Variants in MYO5B observed in about 807,000 individuals in gnomAD.
MYO5B encodes myosin VB.
MYO5B carries 143 observed loss-of-function variants against 229.3 expected under a neutral mutation model. That is an observed-to-expected ratio of 0.62 (90% CI 0.54 to 0.72). The LOEUF (loss-of-function observed/expected upper bound fraction) is 0.72. MYO5B is among the 30% of genes least tolerant of loss of function. The probability of loss-of-function intolerance (pLI) is 0.00; values close to 1 mark genes in which losing one functional copy is unlikely to be tolerated. For synonymous variants in MYO5B, 918 were observed against 885.2 expected, an observed-to-expected ratio of 1.04 and a Z score of -0.66; for missense variants, 2,321 against 2,331.0, an observed-to-expected ratio of 1.00 and a Z score of 0.09.
rs148916751 is a variant in MYO5B, at chr18:49,954,817, T to C, written c.1546-382A>G. On this transcript the variant is annotated intron_variant, in intron 12 of 39. Coordinates refer to ENST00000285039, the MANE Select transcript of MYO5B (RefSeq NM_001080467.3). Reference sequence around the variant, plus strand: ...ATCAGCATCACAAAACACATCCACCTGCAGTGCCAAGCTCACCCACTCACC... The same window carrying C: ...ATCAGCATCACAAAACACATCCACCCGCAGTGCCAAGCTCACCCACTCACC... Among the ~76,000 whole-genome samples, 1,224 of 152,310 alleles carry C rather than the reference T, an allele frequency of 8.0e-3. 8 individuals are homozygous for C. The highest frequency in any genetic ancestry group is 0.013 in the Admixed American group (197 of 15,300).
At chr18:50,142,243 C>A (rs773981756) in intron 1 of MYO5B, among the ~76,000 whole-genome samples, 1 of 152,152 alleles carries the variant, frequency 6.6e-6, no homozygotes, top group Non-Finnish European at 1.5e-5. Flanking sequence ...ACGGAGCAAC[C>A]CTCCCAGAAC....
chr18:49,837,676 T>C lies in MYO5B; in HGVS notation c.4979A>G (p.Gln1660Arg). The C allele has an allele frequency of 6.2e-7, 1 of 1,614,128 alleles. No individual in the cohort carries two copies. Residue 1660 changes from glutamine to arginine, a missense_variant, in exon 37 of 40, where the codon CAG becomes CGG. Gln to Arg is a conservative substitution (Grantham distance 43, BLOSUM62 1). This residue lies in a region of MYO5B where 208 missense variants were observed against 286.3 expected (regional missense o/e 0.73). Transcript: ENST00000285039. ...CATGACTGTATGAAAGGCATTCATC[T>C]GGCGGATGATAGCTTCCAGGCAGTA... ...NSYCLEAIIR[Q>R]MNAFHTVMCD...
At chr18:49,844,579 C>G (rs574403245) in intron 33 of MYO5B, among the ~76,000 whole-genome samples, 1 of 152,248 alleles carries the variant, frequency 6.6e-6, no homozygotes, top group African/African-American at 2.4e-5. Context: ...CCTGCTCCAA[C>G]GCATCCTTCT....
intron 3 of MYO5B, among the ~76,000 whole-genome samples, chr18:50,038,878 T>C (rs1731264151): frequency 6.6e-6 from 1 of 152,206 alleles, no homozygotes; most frequent in Non-Finnish European, 1.5e-5. Context: ...GCTCTGATAA[T>C]TGACAGTTTG....
intron 1 of MYO5B, among the ~76,000 whole-genome samples, chr18:50,092,271 C>G (rs1385815438): frequency 1.3e-5 from 2 of 152,108 alleles, no homozygotes; most frequent in African/African-American, 4.8e-5. Flanking sequence ...GATGCAGCCC[C>G]AAGCTGAAAT....
At chr18:50,145,497 CAAAAAAAAAAAAAAAAAAAAAAAAA>C (rs369507800) in intron 1 of MYO5B, among the ~76,000 whole-genome samples, 171 of 70,016 alleles carry the variant, frequency 2.4e-3, no homozygotes, top group South Asian at 6.0e-3. Context: ...GACTCCATCT[CAAAAAAAAAAAAAAAAAAAAAAAAA>C]AAAAAAAAAA....
chr18:49,872,174 C>T lies in MYO5B; in HGVS notation c.3596G>A (p.Ser1199Asn), dbSNP rs746689417. The T allele has an allele frequency of 6.2e-7, 1 of 1,614,102 alleles. No homozygotes were observed. The highest frequency in any genetic ancestry group is 1.1e-5 in the South Asian group (1 of 91,074). Residue 1199 changes from serine (S) to asparagine (N), a missense_variant, in exon 27 of 40, where the codon AGT becomes AAT. Ser to Asn is a conservative substitution (Grantham distance 46). Around this residue, in one of 2 missense-constraint regions of MYO5B, gnomAD observed 2,113 missense variants for 2,044.7 expected, o/e 1.03. Coordinates refer to ENST00000285039, the MANE Select transcript of MYO5B (RefSeq NM_001080467.3). Reference protein sequence around the residue: ...LDPNADLAYNSLKRQELESEN... With the variant: ...LDPNADLAYNNLKRQELESEN... ...GTCCCCCAAGAATCTTACCTTCAGACTATTGTAGGCCAGATCTGCATTCGG... is the reference window on the plus strand; with the variant it reads ...GTCCCCCAAGAATCTTACCTTCAGATTATTGTAGGCCAGATCTGCATTCGG...
intron 5 of MYO5B, among the ~76,000 whole-genome samples, chr18:49,993,620 C>T (rs1400464177): frequency 6.6e-6 from 1 of 152,134 alleles, no homozygotes; most frequent in Admixed American, 6.5e-5. Flanking sequence ...CCATTCACCA[C>T]CCTCCGAGTA....
At chr18:49,973,918 C>T (rs544278759) in intron 10 of MYO5B, among the ~76,000 whole-genome samples, 3 of 152,134 alleles carry the variant, frequency 2.0e-5, no homozygotes, top group Admixed American at 2.0e-4. Context: ...AAATAGCCAC[C>T]TTGACTGTTA....
chr18:49,953,457 AC>A, intron 13 of MYO5B, 114 bp from the exon 14 acceptor site: 1 of 866,642 alleles, frequency 1.2e-6, no homozygotes, highest in Non-Finnish European at 1.9e-6. Flanking sequence ...TAGATAGGAA[AC>A]CCACAGATGT....
intron 1 of MYO5B, among the ~76,000 whole-genome samples, chr18:50,056,879 A>G (rs555673421): frequency 2.6e-5 from 4 of 151,968 alleles, no homozygotes; most frequent in South Asian, 4.2e-4. Flanking sequence ...AACATCAACC[A>G]CTTTGCATCC....
At chr18:50,102,617 C>CACAGCCCAGAAGAG in intron 1 of MYO5B, among the ~76,000 whole-genome samples, 1 of 152,226 alleles carries the variant, frequency 6.6e-6, no homozygotes, top group East Asian at 1.9e-4. Flanking sequence ...CCCAGTCCTG[C>CACAGCCCAGAAGAG]ACAGCCCAGA....
chr18:49,997,848 G>A (rs552450335), intron 5 of MYO5B, among the ~76,000 whole-genome samples: 143 of 152,250 alleles, frequency 9.4e-4, no homozygotes, highest in Middle Eastern at 6.8e-3. Flanking sequence ...GGCAGCAGAC[G>A]CAATGAGACA....
intron 2 of MYO5B, among the ~76,000 whole-genome samples, chr18:50,051,394 G>C (rs1339504847): frequency 4.6e-5 from 7 of 152,172 alleles, no homozygotes; most frequent in Non-Finnish European, 8.8e-5. Context: ...GTGGGTGATA[G>C]ATAGTAGATA....
At chr18:49,942,314 A>T (rs1223852393) in intron 14 of MYO5B, among the ~76,000 whole-genome samples, 1 of 151,402 alleles carries the variant, frequency 6.6e-6, no homozygotes, top group Non-Finnish European at 1.5e-5. Context: ...AAGCAATGGC[A>T]ACAAAAGCAA....
intron 1 of MYO5B, among the ~76,000 whole-genome samples, chr18:50,189,052 C>T (rs776234803): frequency 6.6e-6 from 1 of 152,146 alleles, no homozygotes; most frequent in Non-Finnish European, 1.5e-5. Context: ...ACATGCAAGA[C>T]AGAGAATGAG....
intron 4 of MYO5B, among the ~76,000 whole-genome samples, chr18:50,028,533 G>A (rs1265825416): frequency 1.3e-5 from 2 of 152,140 alleles, no homozygotes; most frequent in Non-Finnish European, 2.9e-5. Flanking sequence ...AAGGACAGAA[G>A]GGGCTGCCAT....
chr18:50,072,910 C>T (rs953799151), intron 1 of MYO5B, among the ~76,000 whole-genome samples: 2 of 152,180 alleles, frequency 1.3e-5, no homozygotes, highest in East Asian at 3.9e-4. Flanking sequence ...ACATTCCAGG[C>T]TGGAGTGTGC....
chr18:50,037,938 C>T (rs964952151), intron 3 of MYO5B, among the ~76,000 whole-genome samples: 2 of 152,158 alleles, frequency 1.3e-5, no homozygotes, highest in Non-Finnish European at 2.9e-5. Context: ...ATAGTAAGCA[C>T]TGCATGTTTG....
Sources: allele counts gnomAD v4.1 joint callset (sites outside exome capture counted in the v4.1 genomes callset), GRCh38; gene constraint gnomAD v4.1.1; regional missense constraint gnomAD v4.1.1; transcripts MANE v1.5; gene names NCBI Gene and HGNC (gene_info 2026-07-23, HGNC 2026-07-21).